HSF2: variants seen among roughly 807,000 people sequenced by gnomAD.
HSF2 encodes the protein heat shock factor protein 2.
HSF2 carries 21 observed loss-of-function variants against 65.0 expected under a neutral mutation model. That is an observed-to-expected ratio of 0.32 (90% CI 0.23 to 0.47). The LOEUF (loss-of-function observed/expected upper bound fraction) is 0.47, where lower values mean the gene tolerates loss of function less well. HSF2 is among the 20% of genes least tolerant of loss of function. The pLI, the probability that HSF2 is intolerant of heterozygous loss-of-function variation, is 1.00. For synonymous variants in HSF2, 225 were observed against 219.1 expected (o/e 1.03, Z -0.24); for missense variants, 499 against 628.1 (o/e 0.79, Z 2.20).
chr6:122,412,933 T>TAA (rs375000491), intron 3 of HSF2, among the ~76,000 whole-genome samples, 169 bp downstream of exon 3: 2 of 140,824 alleles, frequency 1.4e-5, no homozygotes, highest in East Asian at 2.0e-4. Context: ...TAAGTTAGCT[T>TAA]AAAAAAAAAA....
At chr6:122,428,667 G>A (rs1192174815) in intron 11 of HSF2, among the ~76,000 whole-genome samples, 2 of 151,900 alleles carry the variant, frequency 1.3e-5, no homozygotes, top group Non-Finnish European at 2.9e-5. Flanking sequence ...GGTAAATCAA[G>A]TCCAGATTCC....
chr6:122,421,184 A>G (rs1015008116), intron 7 of HSF2, among the ~76,000 whole-genome samples: 3 of 152,034 alleles, frequency 2.0e-5, no homozygotes, highest in African/African-American at 7.2e-5. Flanking sequence ...TCATTTTGTC[A>G]CAGGCTTTCT....
At chr6:122,416,067 C>T (rs1461571085) in intron 4 of HSF2, among the ~76,000 whole-genome samples, 154 bp from the exon 5 acceptor site, 1 of 151,980 alleles carries the variant, frequency 6.6e-6, no homozygotes, top group African/African-American at 2.4e-5. Context: ...GTTGTCATTC[C>T]TATGTAATTG....
intron 5 of HSF2, among the ~76,000 whole-genome samples, chr6:122,416,508 CTCGCAGATAATG>C (rs1774133163): frequency 6.6e-6 from 1 of 152,210 alleles, no homozygotes; most frequent in African/African-American, 2.4e-5. Context: ...TTATTCCATA[CTCGCAGATAATG>C]TCTCAGTAGC....
chr6:122,405,366 G>T (rs1246448277), intron 1 of HSF2, among the ~76,000 whole-genome samples: 1 of 152,040 alleles, frequency 6.6e-6, no homozygotes, highest in Admixed American at 6.6e-5. Flanking sequence ...CGGTTAAGAT[G>T]CAATCATAAG....
At chr6:122,431,575 G>A (rs1774469763) in intron 12 of HSF2, 61 bp downstream of exon 12, 1 of 907,270 alleles carries the variant, frequency 1.1e-6, no homozygotes, top group Admixed American at 2.0e-5. Flanking sequence ...AGAAACAAGT[G>A]CAAGCCGAGG....
chr6:122,402,573 T>G (rs889560866), intron 1 of HSF2, among the ~76,000 whole-genome samples: 11 of 152,182 alleles, frequency 7.2e-5, no homozygotes, highest in East Asian at 3.9e-4. Context: ...TTTTTTTTTT[T>G]TGTGGTAGAG....
In HSF2 at chr6:122,420,712, T is replaced by C. The variant is rs1193634434; in HGVS notation, c.681+490T>C. Among the ~76,000 whole-genome samples, 12 of 104,656 alleles carry C rather than the reference T, an allele frequency of 1.1e-4. No homozygotes were observed. The East Asian group carries it at 3.2e-3, about 28-fold the overall frequency. 68.7% of individuals were successfully genotyped at this position (104,656 alleles called of 152,430 possible). ...AGTTTATTCATTTCTTTTTTTTTTT[T>C]TTTTTTTTTTTTTTTTTGAGATGGG... On this transcript the variant is annotated intron_variant, in intron 7 of 12. Transcript: ENST00000368455.
At chr6:122,414,897 A>ACGAGCCAC (rs1774088574) in intron 4 of HSF2, among the ~76,000 whole-genome samples, 1 of 152,196 alleles carries the variant, frequency 6.6e-6, no homozygotes, top group African/African-American at 2.4e-5. Context: ...AATTACAGGC[A>ACGAGCCAC]CGAGCCACCG....
At chr6:122,412,345 C>T (rs1562200073) in intron 1 of HSF2, 28 bp from the exon 2 acceptor site, 4 of 1,362,096 alleles carry the variant, frequency 2.9e-6, no homozygotes, top group Non-Finnish European at 4.2e-6. Flanking sequence ...AACTAATTTA[C>T]TTTTTCTTTT....
At chr6:122,405,995 C>G (rs2114422010) in intron 1 of HSF2, among the ~76,000 whole-genome samples, 1 of 152,248 alleles carries the variant, frequency 6.6e-6, no homozygotes, top group African/African-American at 2.4e-5. Flanking sequence ...ATATCAAGAG[C>G]TAGGCACTGG....
At chr6:122,401,821 T>TATA (rs1773740482) in intron 1 of HSF2, among the ~76,000 whole-genome samples, 1 of 152,218 alleles carries the variant, frequency 6.6e-6, no homozygotes, top group Non-Finnish European at 1.5e-5. Flanking sequence ...ATATTTGAAA[T>TATA]GACTCTTAGA....
intron 1 of HSF2, among the ~76,000 whole-genome samples, chr6:122,402,634 C>T (rs988497888): frequency 2.0e-5 from 3 of 151,842 alleles, no homozygotes; most frequent in Admixed American, 6.6e-5. Flanking sequence ...CTCACTGCAG[C>T]CTCTGCCTCC....
At chr6:122,403,247 T>G (rs1245245895) in intron 1 of HSF2, among the ~76,000 whole-genome samples, 2 of 152,152 alleles carry the variant, frequency 1.3e-5, no homozygotes, top group African/African-American at 4.8e-5. Flanking sequence ...ACAATTGAAA[T>G]TATACTTAAA....
intron 1 of HSF2, among the ~76,000 whole-genome samples, chr6:122,410,920 T>A (rs1343667008): frequency 2.0e-5 from 3 of 149,030 alleles, no homozygotes; most frequent in Non-Finnish European, 4.5e-5. Flanking sequence ...TGGTTTTTTT[T>A]GTTTTGTTTT....
At position 122,426,763 on chromosome 6, in the gene HSF2, C is replaced by A. The variant is rs1774347461; in HGVS notation, c.1177-1140C>A. Among the ~76,000 whole-genome samples the A allele has an allele frequency of 2.0e-5, 3 of 151,944 alleles. No individual in the cohort carries two copies. The South Asian group carries it at 6.2e-4, about 31-fold the overall frequency. ...TTTGCACCTCATTCTATCCTGTGAA[C>A]CATTTGGTGTGTTCATTCTCATAAA... On this transcript the variant is annotated intron_variant, in intron 10 of 12. Coordinates refer to ENST00000368455, the MANE Select transcript of HSF2 (RefSeq NM_004506.4).
chr6:122,419,323 C>A, intron 6 of HSF2, 94 bp downstream of exon 6: 2 of 586,914 alleles, frequency 3.4e-6, no homozygotes, highest in Non-Finnish European at 3.1e-6. Flanking sequence ...TGAGTATGTG[C>A]TTGTTGTCCA....
chr6:122,420,086 A>C, intron 6 of HSF2, 49 bp from the exon 7 acceptor site: 1 of 1,546,650 alleles, frequency 6.5e-7, no homozygotes, highest in South Asian at 1.3e-5. Context: ...GGGAGTTTAA[A>C]TTCATTGTAT....
At chr6:122,422,393 A>C in intron 8 of HSF2, 95 bp downstream of exon 8, 1 of 958,648 alleles carries the variant, frequency 1.0e-6, no homozygotes, top group Non-Finnish European at 1.6e-6. Context: ...GAAAAATAAT[A>C]ATCTTTCTCA....
Sources: allele counts gnomAD v4.1 joint callset (sites outside exome capture counted in the v4.1 genomes callset), GRCh38; gene constraint gnomAD v4.1.1; transcripts MANE v1.5; gene names NCBI Gene and HGNC (gene_info 2026-07-23, HGNC 2026-07-21).